AGBL4: variants seen among roughly 807,000 people sequenced by gnomAD.
The protein encoded by AGBL4 is cytosolic carboxypeptidase 6.
In AGBL4, 58 loss-of-function variants were observed where a neutral mutation model predicts 66.4. That is an observed-to-expected ratio of 0.87 (90% CI 0.71 to 1.09). The LOEUF (loss-of-function observed/expected upper bound fraction) is 1.09, where lower values mean the gene tolerates loss of function less well. Among genes scored for constraint, AGBL4 ranks in the 50% least tolerant of loss-of-function variants. The pLI is 0.00. For missense variants in AGBL4, 579 were observed against 631.0 expected, an observed-to-expected ratio of 0.92 and a Z score of 0.88; for synonymous variants, 234 against 222.9, an observed-to-expected ratio of 1.05 and a Z score of -0.44.
At chr1:49,685,561 T>C (rs934538117) in intron 3 of AGBL4, among the ~76,000 whole-genome samples, 3 of 152,182 alleles carry the variant, frequency 2.0e-5, no homozygotes, top group African/African-American at 7.2e-5. Flanking sequence ...CTTGCCAGCA[T>C]CTGTTATGTT....
chr1:49,581,493 G>T (rs1345320654), intron 3 of AGBL4, among the ~76,000 whole-genome samples: 1 of 152,144 alleles, frequency 6.6e-6, no homozygotes, highest in African/African-American at 2.4e-5. Flanking sequence ...CTTTTGTTGG[G>T]AGAGGAGCTT....
intron 3 of AGBL4, among the ~76,000 whole-genome samples, chr1:49,474,006 G>T (rs766545963): frequency 1.1e-4 from 16 of 152,146 alleles, no homozygotes; most frequent in Admixed American, 8.5e-4. Context: ...ATTTGTACCA[G>T]TACCATGTCA....
At chr1:49,399,352 A>G (rs1464289432) in intron 3 of AGBL4, among the ~76,000 whole-genome samples, 1 of 152,106 alleles carries the variant, frequency 6.6e-6, no homozygotes, top group Non-Finnish European at 1.5e-5. Context: ...TCTTTTGGGT[A>G]TATTCCTAGG....
intron 1 of AGBL4, among the ~76,000 whole-genome samples, chr1:49,916,753 G>C (rs1283896840): frequency 1.3e-5 from 2 of 152,116 alleles, no homozygotes; most frequent in Admixed American, 6.5e-5. Context: ...GATACTCCTT[G>C]AGAAGAGCAA....
At chr1:49,891,780 C>T (rs1648679105) in intron 1 of AGBL4, among the ~76,000 whole-genome samples, 1 of 152,170 alleles carries the variant, frequency 6.6e-6, no homozygotes, top group Non-Finnish European at 1.5e-5. Flanking sequence ...ACAATGCAGA[C>T]TCTCCTCCAT....
chr1:49,219,077 C>T (rs1057036606), intron 4 of AGBL4, among the ~76,000 whole-genome samples: 2 of 152,120 alleles, frequency 1.3e-5, no homozygotes, highest in African/African-American at 4.8e-5. Context: ...CCCTCCATGG[C>T]TCCCATGGCT....
intron 2 of AGBL4, among the ~76,000 whole-genome samples, chr1:49,766,625 A>G (rs1652751569): frequency 6.6e-6 from 1 of 151,946 alleles, no homozygotes; most frequent in Non-Finnish European, 1.5e-5. Context: ...CTTAAAAGGC[A>G]CAGAGTGGCA....
At chr1:49,403,871 CTTACT>C (rs1475048837) in intron 3 of AGBL4, among the ~76,000 whole-genome samples, 1 of 152,142 alleles carries the variant, frequency 6.6e-6, no homozygotes, top group Non-Finnish European at 1.5e-5. Context: ...CTCCAACAAA[CTTACT>C]TTATTCTTTC....
At chr1:49,676,424 T>C (rs1646580170) in intron 3 of AGBL4, among the ~76,000 whole-genome samples, 1 of 152,042 alleles carries the variant, frequency 6.6e-6, no homozygotes, top group Non-Finnish European at 1.5e-5. Flanking sequence ...AAAATCTAAA[T>C]ACAACCCAAG....
rs1035566839 is a variant in AGBL4, at chr1:49,323,112, T to A, written c.283-77248A>T. Among the ~76,000 whole-genome samples the A allele has an allele frequency of 2.0e-5, 3 of 152,346 alleles. No individual in the cohort carries two copies. In the East Asian group the frequency reaches 5.8e-4, roughly 29 times the overall value. The stretch of plus-strand genomic sequence containing the variant: ...TAAAACCCTGACAAGAGAAACAGTT[T>A]TGATTGTAAACACACTCATTGTAAA... On this transcript the variant is annotated intron_variant, in intron 3 of 13. Coordinates refer to ENST00000371839, the MANE Select transcript of AGBL4 (RefSeq NM_032785.4).
chr1:48,744,325 C>T (rs1287292973), intron 6 of AGBL4, among the ~76,000 whole-genome samples: 2 of 152,292 alleles, frequency 1.3e-5, no homozygotes, highest in East Asian at 3.9e-4. Flanking sequence ...GAAGCAAATA[C>T]CAAAGTTTCT....
chr1:49,035,487 C>T (rs1664568163), intron 5 of AGBL4, among the ~76,000 whole-genome samples: 1 of 152,148 alleles, frequency 6.6e-6, no homozygotes, highest in African/African-American at 2.4e-5. Flanking sequence ...TATATGTTGA[C>T]ATACTTCTGG....
rs147919704 is a variant in AGBL4, at chr1:48,991,966, T to A, written c.594+53618A>T. On this transcript the variant is annotated intron_variant, in intron 5 of 13. Transcript: ENST00000371839. Reference sequence around the variant, plus strand: ...TTCCCTAAATTGTCACAAACCTCTGTCTCTCTGGGATTGGTCCCTGGTGTC... The same window carrying A: ...TTCCCTAAATTGTCACAAACCTCTGACTCTCTGGGATTGGTCCCTGGTGTC... Among the ~76,000 whole-genome samples the A allele has an allele frequency of 4.5e-4, 68 of 152,300 alleles. 1 individual carries two copies. In the South Asian group the frequency reaches 9.5e-3, roughly 21 times the overall value.
intron 1 of AGBL4, among the ~76,000 whole-genome samples, chr1:49,900,068 G>T (rs1012458923): frequency 6.6e-6 from 1 of 151,684 alleles, no homozygotes; most frequent in Non-Finnish European, 1.5e-5. Flanking sequence ...TCAATAATTG[G>T]GTAGAAGGAA....
intron 4 of AGBL4, among the ~76,000 whole-genome samples, chr1:49,123,462 A>G (rs963817609): frequency 4.6e-5 from 7 of 152,206 alleles, no homozygotes; most frequent in African/African-American, 1.4e-4. Flanking sequence ...TTTCATACAC[A>G]TTTTGAGATA....
intron 4 of AGBL4, among the ~76,000 whole-genome samples, chr1:49,189,837 A>T (rs936421822): frequency 1.3e-5 from 2 of 152,174 alleles, no homozygotes; most frequent in Admixed American, 1.3e-4. Flanking sequence ...TTACTGATGG[A>T]GGAACTAAGG....
At chr1:49,839,995 G>C (rs1645951172) in intron 2 of AGBL4, among the ~76,000 whole-genome samples, 2 of 152,136 alleles carry the variant, frequency 1.3e-5, no homozygotes, top group African/African-American at 4.8e-5. Context: ...TAAAGGGTGA[G>C]ATTATAGAGA....
intron 9 of AGBL4, among the ~76,000 whole-genome samples, chr1:48,603,078 G>A (rs60923306): frequency 0.011 from 1,616 of 152,308 alleles, 28 homozygotes; most frequent in African/African-American, 0.038. Context: ...GTTCACCAAG[G>A]GAATAAGGAA....
intron 2 of AGBL4, among the ~76,000 whole-genome samples, chr1:49,772,206 C>T (rs1644081739): frequency 6.6e-6 from 1 of 152,080 alleles, no homozygotes. Context: ...TTATAACAGA[C>T]TATTTTAAGC....
Sources: allele counts gnomAD v4.1 joint callset (sites outside exome capture counted in the v4.1 genomes callset), GRCh38; gene constraint gnomAD v4.1.1; transcripts MANE v1.5; gene names NCBI Gene and HGNC (gene_info 2026-07-23, HGNC 2026-07-21).